Variants in TENM2 observed in about 807,000 individuals in gnomAD.
TENM2 encodes the protein teneurin-2.
A neutral mutation model predicts 245.2 loss-of-function variants in TENM2; 52 were observed. That is an observed-to-expected ratio of 0.21 (90% CI 0.17 to 0.27). The LOEUF (loss-of-function observed/expected upper bound fraction) is 0.27. Ranked by LOEUF, TENM2 falls within the 10% of genes least tolerant of loss-of-function variation. The pLI is 1.00. For missense variants in TENM2, 3,046 were observed against 3,666.8 expected, an observed-to-expected ratio of 0.83 and a Z score of 4.37; for synonymous variants, 1,363 against 1,438.9, an observed-to-expected ratio of 0.95 and a Z score of 1.19.
the TENM2 span, among the ~76,000 whole-genome samples, chr5:167,242,046 G>GTTTTTT: frequency 0.016 from 2,143 of 131,346 alleles, 68 homozygotes; most frequent in African/African-American, 0.057. Context: ...TTTGTTTTTT[G>GTTTTTT]TTTTTTTTTT....
At chr5:167,083,862 C>A in the TENM2 span, among the ~76,000 whole-genome samples, 1 of 152,098 alleles carries the variant, frequency 6.6e-6, no homozygotes. Context: ...GGACATGGAA[C>A]AGGATGATTC....
At chr5:167,409,482 A>G (rs1387264926) in intron 2 of TENM2, among the ~76,000 whole-genome samples, 4 of 152,058 alleles carry the variant, frequency 2.6e-5, no homozygotes, top group Admixed American at 2.6e-4. Context: ...TTGTTAAGTT[A>G]ATAAGCAGCC....
At chr5:167,884,029 T>G (rs1774088512) in intron 3 of TENM2, among the ~76,000 whole-genome samples, 1 of 152,226 alleles carries the variant, frequency 6.6e-6, no homozygotes, top group Non-Finnish European at 1.5e-5. Flanking sequence ...GCTCAGCCAC[T>G]TTCTAACACT....
intron 2 of TENM2, among the ~76,000 whole-genome samples, chr5:167,592,047 C>G (rs144479318): frequency 6.6e-6 from 1 of 152,142 alleles, no homozygotes; most frequent in South Asian, 2.1e-4. Flanking sequence ...ACAGTATACA[C>G]CAATACAGAA....
intron 2 of TENM2, among the ~76,000 whole-genome samples, chr5:167,658,299 C>G (rs754016158): frequency 1.8e-4 from 28 of 151,856 alleles, no homozygotes; most frequent in Non-Finnish European, 3.8e-4. Flanking sequence ...ACCTCCACCT[C>G]CAGGGTTTAA....
At chr5:167,665,738 A>G (rs917661676) in intron 2 of TENM2, among the ~76,000 whole-genome samples, 3 of 152,180 alleles carry the variant, frequency 2.0e-5, no homozygotes, top group Non-Finnish European at 4.4e-5. Context: ...GGCGTGTAAT[A>G]GCTCTAATGT....
At chr5:167,811,638 A>G (rs925706944) in intron 2 of TENM2, among the ~76,000 whole-genome samples, 5 of 152,142 alleles carry the variant, frequency 3.3e-5, no homozygotes, top group African/African-American at 7.2e-5. Flanking sequence ...CAAGATGTTA[A>G]TGGTTCAAAT....
chr5:167,705,103 C>G (rs1029011625), intron 2 of TENM2, among the ~76,000 whole-genome samples: 2 of 152,120 alleles, frequency 1.3e-5, no homozygotes, highest in Admixed American at 6.5e-5. Flanking sequence ...TCTGCCTACC[C>G]CTGGGCTTTT....
chr5:167,167,449 C>T, the TENM2 span, among the ~76,000 whole-genome samples: 254 of 152,286 alleles, frequency 1.7e-3, no homozygotes, highest in African/African-American at 5.5e-3. Context: ...AACTCAGCTC[C>T]GGATCACTCT....
At chr5:167,209,332 C>T in the TENM2 span, among the ~76,000 whole-genome samples, 1 of 150,606 alleles carries the variant, frequency 6.6e-6, no homozygotes, top group Non-Finnish European at 1.5e-5. Flanking sequence ...GGTGTGATCT[C>T]GGCTCACTGC....
intron 2 of TENM2, among the ~76,000 whole-genome samples, chr5:167,581,477 A>G (rs1041318313): frequency 2.6e-5 from 4 of 152,238 alleles, no homozygotes; most frequent in Admixed American, 1.3e-4. Flanking sequence ...AATATAGTAC[A>G]TAAACTGAAA....
In TENM2 at chr5:167,350,246, G is replaced by T. The variant is rs375311625; in HGVS notation, c.227-24952G>T. ...ATACAAAAATGAGTCTGACTAAATGGCAGTTATTGGCATCAGCCAACTCAC... is the reference window on the plus strand; with the variant it reads ...ATACAAAAATGAGTCTGACTAAATGTCAGTTATTGGCATCAGCCAACTCAC... On this transcript the variant is annotated intron_variant, in intron 1 of 28. Coordinates refer to ENST00000518659, the Ensembl canonical transcript of TENM2. 2.1e-4 allele frequency among the ~76,000 whole-genome samples: 32 copies of T among 152,056 alleles called. No homozygotes were observed. In the South Asian group the frequency reaches 4.2e-3, roughly 20 times the overall value.
intron 2 of TENM2, among the ~76,000 whole-genome samples, chr5:167,409,804 C>G (rs2127401751): frequency 6.6e-6 from 1 of 151,712 alleles, no homozygotes; most frequent in African/African-American, 2.4e-5. Context: ...TTGATAATAG[C>G]AAAATACCAG....
chr5:167,829,936 G>C (rs1266945680), intron 2 of TENM2, among the ~76,000 whole-genome samples: 2 of 152,292 alleles, frequency 1.3e-5, no homozygotes, highest in South Asian at 4.1e-4. Flanking sequence ...CCATATTGCA[G>C]GTCCTTCAGC....
the TENM2 span, among the ~76,000 whole-genome samples, chr5:167,059,893 G>T: frequency 2.8e-4 from 42 of 151,886 alleles, no homozygotes; most frequent in Non-Finnish European, 5.6e-4. Context: ...TAGTAGAGGT[G>T]GGGTTTCACC....
At chr5:167,486,326 CTTTTTTTTT>C (rs546349438) in intron 2 of TENM2, among the ~76,000 whole-genome samples, 55 of 140,598 alleles carry the variant, frequency 3.9e-4, no homozygotes, top group African/African-American at 1.4e-3. Flanking sequence ...TTTTTCTTTT[CTTTTTTTTT>C]TTTTTTCTTT....
At chr5:167,487,534 G>A (rs1396165233) in intron 2 of TENM2, among the ~76,000 whole-genome samples, 1 of 152,156 alleles carries the variant, frequency 6.6e-6, no homozygotes, top group Admixed American at 6.5e-5. Flanking sequence ...GTGTATATGT[G>A]TATTTGTTAG....
intron 12 of TENM2, among the ~76,000 whole-genome samples, chr5:168,147,599 G>A (rs1228501339): frequency 6.6e-6 from 1 of 152,132 alleles, no homozygotes; most frequent in Non-Finnish European, 1.5e-5. Flanking sequence ...TGAGTCTCCG[G>A]CAATGTCAAC....
At chr5:167,874,472 C>T (rs1456152588) in intron 2 of TENM2, among the ~76,000 whole-genome samples, 1 of 152,094 alleles carries the variant, frequency 6.6e-6, no homozygotes, top group Non-Finnish European at 1.5e-5. Flanking sequence ...CATCTAAAAG[C>T]AGGAACACAC....
Sources: gnomAD v4.1 joint callset for allele counts (sites outside exome capture counted in the v4.1 genomes callset) on GRCh38, gnomAD v4.1.1 for gene constraint, MANE v1.5 for transcripts, NCBI Gene and HGNC (gene_info 2026-07-23, HGNC 2026-07-21) for gene names.